GPC5: variants seen among roughly 807,000 people sequenced by gnomAD.
GPC5 encodes the protein glypican 5.
Under a neutral mutation model 53.9 loss-of-function variants are expected in GPC5, and 47 were observed. The ratio of observed to expected loss-of-function variants is 0.87; its 90% confidence interval spans 0.69 to 1.11. The LOEUF (loss-of-function observed/expected upper bound fraction) is 1.11, where lower values mean the gene tolerates loss of function less well. Ranked by LOEUF, GPC5 falls within the 50% of genes most tolerant of loss-of-function variation. The probability of loss-of-function intolerance (pLI) is 0.00; values close to 1 mark genes in which losing one functional copy is unlikely to be tolerated. For missense variants in GPC5, 748 were observed against 713.1 expected, an observed-to-expected ratio of 1.05 and a Z score of -0.56; for synonymous variants, 286 against 263.3, an observed-to-expected ratio of 1.09 and a Z score of -0.84.
intron 5 of GPC5, among the ~76,000 whole-genome samples, chr13:91,902,394 G>A (rs2039506349): frequency 1.3e-5 from 2 of 152,032 alleles, no homozygotes. Flanking sequence ...TTTGTAGAAT[G>A]TAAATATATC....
intron 2 of GPC5, among the ~76,000 whole-genome samples, chr13:91,569,041 G>A (rs2031664960): frequency 6.6e-6 from 1 of 152,086 alleles, no homozygotes; most frequent in South Asian, 2.1e-4. Flanking sequence ...ATGAGCTACT[G>A]CTCCTGGCTG....
At chr13:92,520,581 C>A (rs1020046929) in intron 7 of GPC5, among the ~76,000 whole-genome samples, 1 of 152,104 alleles carries the variant, frequency 6.6e-6, no homozygotes, top group African/African-American at 2.4e-5. Context: ...AATTCAACAG[C>A]CCTTCATGCT....
chr13:92,503,999 TAAA>T (rs571305417), intron 7 of GPC5, among the ~76,000 whole-genome samples: 10 of 151,956 alleles, frequency 6.6e-5, no homozygotes, highest in Non-Finnish European at 8.8e-5. Flanking sequence ...TTAGGGAACT[TAAA>T]GAAGAGCTAT....
At chr13:92,731,900 T>C (rs1000389117) in intron 7 of GPC5, among the ~76,000 whole-genome samples, 6 of 151,468 alleles carry the variant, frequency 4.0e-5, no homozygotes, top group African/African-American at 1.5e-4. Context: ...TGGAGAGCTA[T>C]ACTGTAATGA....
intron 7 of GPC5, among the ~76,000 whole-genome samples, chr13:92,218,695 A>G (rs2042428211): frequency 6.6e-6 from 1 of 152,214 alleles, no homozygotes; most frequent in Non-Finnish European, 1.5e-5. Context: ...AAAAATCAGC[A>G]ACATTTTTTT....
At chr13:92,322,795 T>A (rs1411868939) in intron 7 of GPC5, among the ~76,000 whole-genome samples, 4 of 152,240 alleles carry the variant, frequency 2.6e-5, no homozygotes, top group African/African-American at 9.6e-5. Context: ...TACCCTCTAA[T>A]GAGTTTTGCC....
intron 6 of GPC5, among the ~76,000 whole-genome samples, chr13:92,096,402 T>C (rs1000117449): frequency 1.6e-4 from 24 of 152,244 alleles, no homozygotes; most frequent in Non-Finnish European, 3.1e-4. Flanking sequence ...AAATCCCTCA[T>C]TGGTTTTCTC....
At chr13:91,977,038 CAATAAATA>C (rs138005450) in intron 6 of GPC5, among the ~76,000 whole-genome samples, 12,297 of 141,638 alleles carry the variant, frequency 0.087, 904 homozygotes, top group African/African-American at 0.2. Flanking sequence ...GATTCTGTCT[CAATAAATA>C]AATAAATAAA....
At chr13:92,206,155 AT>A (rs1266783877) in intron 7 of GPC5, among the ~76,000 whole-genome samples, 156 of 54,904 alleles carry the variant, frequency 2.8e-3, no homozygotes, top group Middle Eastern at 9.3e-3. Flanking sequence ...TGTTTTTTTT[AT>A]TTTTTTTTTT....
chr13:91,717,307 G>A lies in GPC5; in HGVS notation c.1021-11225G>A, dbSNP rs76379684. Among the ~76,000 whole-genome samples the A allele has an allele frequency of 9.8e-3, 1,488 of 152,280 alleles. 21 individuals are homozygous for A. The highest frequency in any genetic ancestry group is 0.034 in the African/African-American group (1,411 of 41,554). On this transcript the variant is annotated intron_variant, in intron 3 of 7. Transcript: ENST00000377067. ...AAATAATTTGGTTTGTCCTCATTAG[G>A]AGATGGGAAGAACCACCAAAGGCTT...
At chr13:92,516,998 A>G (rs961637001) in intron 7 of GPC5, among the ~76,000 whole-genome samples, 1 of 151,708 alleles carries the variant, frequency 6.6e-6, no homozygotes, top group African/African-American at 2.4e-5. Context: ...CTCTTTTCCA[A>G]TGGTCTTAGC....
chr13:91,924,837 T>A (rs1284733773), intron 6 of GPC5, among the ~76,000 whole-genome samples: 2 of 147,250 alleles, frequency 1.4e-5, no homozygotes, highest in African/African-American at 5.0e-5. Flanking sequence ...CTTCATGAAT[T>A]TTTTTTTTTT....
chr13:91,931,078 C>A (rs1178763850), intron 6 of GPC5, among the ~76,000 whole-genome samples: 1 of 152,006 alleles, frequency 6.6e-6, no homozygotes, highest in Non-Finnish European at 1.5e-5. Flanking sequence ...CAAACAATCC[C>A]TTTAATCATG....
chr13:92,152,661 C>G (rs1169400474), intron 7 of GPC5, among the ~76,000 whole-genome samples: 1 of 151,070 alleles, frequency 6.6e-6, no homozygotes, highest in East Asian at 1.9e-4. Context: ...ATGGTGTGAA[C>G]CCGGGAGGCC....
At chr13:92,545,525 T>C (rs1055436602) in intron 7 of GPC5, among the ~76,000 whole-genome samples, 27 of 152,240 alleles carry the variant, frequency 1.8e-4, no homozygotes, top group African/African-American at 6.0e-4. Flanking sequence ...AACTAGTTTA[T>C]AGTCCCACCA....
intron 6 of GPC5, among the ~76,000 whole-genome samples, chr13:92,013,590 T>C (rs2138778977): frequency 6.6e-6 from 1 of 152,304 alleles, no homozygotes; most frequent in African/African-American, 2.4e-5. Flanking sequence ...ATAGACATTC[T>C]CGCTTTGGGC....
intron 7 of GPC5, among the ~76,000 whole-genome samples, chr13:92,839,841 C>T (rs1390687136): frequency 3.3e-5 from 5 of 151,834 alleles, no homozygotes; most frequent in African/African-American, 1.2e-4. Context: ...AACCTAAACC[C>T]TTCCACGTAT....
At chr13:92,706,330 T>G (rs1008776385) in intron 7 of GPC5, among the ~76,000 whole-genome samples, 1 of 152,076 alleles carries the variant, frequency 6.6e-6, no homozygotes, top group Non-Finnish European at 1.5e-5. Context: ...TAACTTCATT[T>G]TCATTCTACC....
chr13:92,659,705 G>A (rs1354095258), intron 7 of GPC5, among the ~76,000 whole-genome samples: 1 of 152,126 alleles, frequency 6.6e-6, no homozygotes, highest in Non-Finnish European at 1.5e-5. Context: ...ACATTACAAT[G>A]TTACAAACTG....
Sources: allele counts gnomAD v4.1 joint callset (sites outside exome capture counted in the v4.1 genomes callset), GRCh38; gene constraint gnomAD v4.1.1; transcripts MANE v1.5; gene names NCBI Gene and HGNC (gene_info 2026-07-23, HGNC 2026-07-21).